MN1: variants seen among roughly 807,000 people sequenced by gnomAD.
MN1 encodes the protein MN1 proto-oncogene, transcriptional regulator.
A neutral mutation model predicts 86.9 loss-of-function variants in MN1; 19 were observed. The ratio of observed to expected loss-of-function variants is 0.22; its 90% CI spans 0.15 to 0.32. The LOEUF (loss-of-function observed/expected upper bound fraction) is 0.32, where lower values mean the gene tolerates loss of function less well. Ranked by LOEUF, MN1 falls within the 10% of genes least tolerant of loss-of-function variation. The pLI, the probability that MN1 is intolerant of heterozygous loss-of-function variation, is 1.00. For missense variants in MN1, 1,841 were observed against 1,862.0 expected, an observed-to-expected ratio of 0.99 and a Z score of 0.21; for synonymous variants, 928 against 849.6, an observed-to-expected ratio of 1.09 and a Z score of -1.60.
rs1933400681 is a variant in MN1 at position 27,799,998 on chromosome 22, G to A, written c.546C>T (p.Ser182=). Residue 182 remains serine, a synonymous_variant, in exon 1 of 2, where the codon TCC becomes TCT. Coordinates refer to ENST00000302326, the MANE Select transcript of MN1 (RefSeq NM_002430.3). ...NLPDFHSSGA[S]SHAVPAPCLP... ...GGCATGGGGCCGGCACGGCGTGGCT[G>A]GAGGCACCTGAACTGTGGAAGTCCG... 1 of 1,604,112 alleles carries A rather than the reference G, an allele frequency of 6.2e-7. No homozygotes were observed. Among genetic ancestry groups the A allele is most frequent in the South Asian group, 1.1e-5 (1 of 90,714 alleles).
chr22:27,756,027 C>T (rs1419315563), intron 1 of MN1, among the ~76,000 whole-genome samples: 1 of 152,204 alleles, frequency 6.6e-6, no homozygotes, highest in African/African-American at 2.4e-5. Context: ...CCATGCAAAA[C>T]GCTTAGCACG....
chr22:27,762,827 G>A (rs575472432), intron 1 of MN1, among the ~76,000 whole-genome samples: 53 of 152,142 alleles, frequency 3.5e-4, no homozygotes, highest in African/African-American at 1.0e-3. Flanking sequence ...GGCCGAGTGC[G>A]GTGGCTCATG....
intron 1 of MN1, among the ~76,000 whole-genome samples, chr22:27,758,837 T>C (rs1285117393): frequency 2.0e-5 from 3 of 152,118 alleles, no homozygotes; most frequent in African/African-American, 7.2e-5. Flanking sequence ...TTTGTTTTTG[T>C]TTTTTTGAGA....
rs2267114 is a variant in MN1, at chr22:27,759,459, G to A, written c.3782-8363C>T. ...GAAAACAGCAAACCTGAAACTTCAC[G>A]GTTGGCTCCCACCCCAACCCTCCCA... On this transcript the variant is annotated intron_variant, in intron 1 of 1. Coordinates refer to ENST00000302326, the MANE Select transcript of MN1 (RefSeq NM_002430.3). 3.2e-3 allele frequency among the ~76,000 whole-genome samples: 494 copies of A among 152,226 alleles called. 21 individuals are homozygous for A. In the East Asian group the frequency reaches 0.08, roughly 25 times the overall value.
At chr22:27,765,794 C>A (rs1362510054) in intron 1 of MN1, among the ~76,000 whole-genome samples, 1 of 152,222 alleles carries the variant, frequency 6.6e-6, no homozygotes, top group Non-Finnish European at 1.5e-5. Flanking sequence ...AGTCTAGAGG[C>A]TGTGTCTTCT....
intron 1 of MN1, among the ~76,000 whole-genome samples, chr22:27,781,906 G>A (rs1242255473): frequency 1.3e-5 from 2 of 152,048 alleles, no homozygotes; most frequent in African/African-American, 2.4e-5. Flanking sequence ...GCCCGAGCCT[G>A]CCAGGTTCCT....
At chr22:27,757,374 G>C (rs1478812154) in intron 1 of MN1, among the ~76,000 whole-genome samples, 1 of 152,252 alleles carries the variant, frequency 6.6e-6, no homozygotes, top group African/African-American at 2.4e-5. Context: ...GACAGAGCTA[G>C]AAGTGCCACG....
At chr22:27,783,429 G>A (rs1933080599) in intron 1 of MN1, among the ~76,000 whole-genome samples, 1 of 152,176 alleles carries the variant, frequency 6.6e-6, no homozygotes, top group Admixed American at 6.5e-5. Flanking sequence ...ACCGTGCCCG[G>A]CCCTGTCATG....
At chr22:27,792,324 A>G (rs1291716836) in intron 1 of MN1, among the ~76,000 whole-genome samples, 1 of 53,580 alleles carries the variant, frequency 1.9e-5, no homozygotes, top group Non-Finnish European at 3.1e-5. Flanking sequence ...TTGCATATAT[A>G]TATATATATA....
chr22:27,800,025 G>T lies in MN1; in HGVS notation c.519C>A (p.Leu173=). ...ESFGPQRPGN[L]PDFHSSGASS... The stretch of plus-strand genomic sequence containing the variant: ...AGGCACCTGAACTGTGGAAGTCCGG[G>T]AGGTTCCCCGGTCGCTGCGGGCCGA... Residue 173 remains leucine, a synonymous_variant, in exon 1 of 2, where the codon CTC becomes CTA. Coordinates refer to ENST00000302326, the MANE Select transcript of MN1 (RefSeq NM_002430.3). 1.9e-6 allele frequency: 3 copies of T among 1,604,324 alleles called. No homozygotes were observed. Among genetic ancestry groups the T allele is most frequent in the South Asian group, 2.2e-5 (2 of 90,868 alleles).
rs1464657331 is a variant in MN1 at position 27,799,205 on chromosome 22, C to T, written c.1339G>A (p.Ala447Thr). Residue 447 changes from alanine to threonine, a missense_variant, in exon 1 of 2, where the codon GCG becomes ACG. By Grantham distance (58) the Ala-to-Thr change is moderately conservative. Transcript: ENST00000302326. ...TTGGCCACGTTCATGTAGGGGGGCG[C>T]GTCGAAATGCTGCAGCCGCTGGTTG... ...APNQRLQHFDAPPYMNVAKRP... is the reference protein window; with the variant it reads ...APNQRLQHFDTPPYMNVAKRP... The T allele has an allele frequency of 6.2e-7, 1 of 1,602,036 alleles. No homozygotes were observed. Among genetic ancestry groups the T allele is most frequent in the Non-Finnish European group, 8.5e-7 (1 of 1,172,080 alleles).
intron 1 of MN1, among the ~76,000 whole-genome samples, chr22:27,754,435 G>T (rs1383111346): frequency 2.6e-5 from 4 of 152,204 alleles, no homozygotes; most frequent in African/African-American, 9.6e-5. Context: ...CTCAGAGAGG[G>T]TGAGAGCCTT....
At chr22:27,778,353 G>A (rs945134402) in intron 1 of MN1, among the ~76,000 whole-genome samples, 8 of 152,128 alleles carry the variant, frequency 5.3e-5, no homozygotes, top group Non-Finnish European at 8.8e-5. Context: ...TTTCCTGAAC[G>A]GCACCCAAGA....
intron 1 of MN1, among the ~76,000 whole-genome samples, chr22:27,791,245 A>T (rs764555708): frequency 6.6e-6 from 1 of 151,960 alleles, no homozygotes; most frequent in Non-Finnish European, 1.5e-5. Context: ...AGACCACTTC[A>T]TTTGGCTCCA....
chr22:27,754,963 C>T (rs1932793086), intron 1 of MN1, among the ~76,000 whole-genome samples: 1 of 152,170 alleles, frequency 6.6e-6, no homozygotes, highest in African/African-American at 2.4e-5. Flanking sequence ...TTGGTCTGTT[C>T]ACCCCCCGAC....
At chr22:27,757,779 G>A (rs1932810681) in intron 1 of MN1, among the ~76,000 whole-genome samples, 1 of 151,828 alleles carries the variant, frequency 6.6e-6, no homozygotes, top group Non-Finnish European at 1.5e-5. Context: ...AGTCTCTTAG[G>A]CCCCCCACAC....
chr22:27,777,887 AAAG>A (rs908139488), intron 1 of MN1, among the ~76,000 whole-genome samples: 1 of 152,014 alleles, frequency 6.6e-6, no homozygotes, highest in Admixed American at 6.5e-5. Flanking sequence ...CAAAAAAAAA[AAAG>A]AAAGAAAGAA....
At chr22:27,768,704 G>T (rs1035417678) in intron 1 of MN1, among the ~76,000 whole-genome samples, 1 of 152,174 alleles carries the variant, frequency 6.6e-6, no homozygotes, top group Non-Finnish European at 1.5e-5. Context: ...ACTTTGGGAG[G>T]CCAAGGCAGG....
intron 1 of MN1, among the ~76,000 whole-genome samples, chr22:27,789,001 A>G (rs1165695031): frequency 3.9e-5 from 6 of 152,124 alleles, no homozygotes; most frequent in African/African-American, 7.2e-5. Flanking sequence ...GAAAAAAACT[A>G]CTTTTAAATC....
Sources: allele counts gnomAD v4.1 joint callset (sites outside exome capture counted in the v4.1 genomes callset), GRCh38; gene constraint gnomAD v4.1.1; transcripts MANE v1.5; gene names NCBI Gene and HGNC (gene_info 2026-07-23, HGNC 2026-07-21).